Variants in CHTF18 observed in about 807,000 individuals in gnomAD.
The protein encoded by CHTF18 is chromosome transmission fidelity protein 18 homolog.
A neutral mutation model predicts 113.4 loss-of-function variants in CHTF18; 151 were observed. The ratio of observed to expected loss-of-function variants is 1.33; its 90% CI spans 1.17 to 1.52. The LOEUF (loss-of-function observed/expected upper bound fraction) is 1.52. CHTF18 is among the 40% of genes most tolerant of loss of function. The pLI, the probability that CHTF18 is intolerant of heterozygous loss-of-function variation, is 0.00. For synonymous variants in CHTF18, 916 were observed against 598.8 expected (o/e 1.53, Z -7.74); for missense variants, 1,982 against 1,381.6 (o/e 1.43, Z -6.89).
intron 6 of CHTF18, 32 bp downstream of exon 6, chr16:790,431 C>G (rs776146021): frequency 1.2e-6 from 2 of 1,611,912 alleles, no homozygotes; most frequent in South Asian, 1.1e-5. Context: ...CCCTGGGGAC[C>G]CTTGTTGGCT....
In CHTF18 at chr16:789,213, C is replaced by T. The variant is rs373985359; in HGVS notation, c.290C>T (p.Pro97Leu). Residue 97 changes from proline (P) to leucine (L), a missense_variant, in exon 3 of 22, where the codon CCC becomes CTC. Coordinates refer to ENST00000262315, the MANE Select transcript of CHTF18 (RefSeq NM_022092.3). ...LQPAGSLPHA[P>L]RIKRPRLQVV... ...TCCCTGCATGTGTCTCCCCCAGCCCCCAGGATCAAACGGCCTAGGCTGCAG... is the reference window on the plus strand; with the variant it reads ...TCCCTGCATGTGTCTCCCCCAGCCCTCAGGATCAAACGGCCTAGGCTGCAG... 21 of 1,551,198 alleles carry T rather than the reference C, an allele frequency of 1.4e-5. No individual in the cohort carries two copies. The highest frequency in any genetic ancestry group is 2.7e-5 in the African/African-American group (2 of 73,090).
At chr16:793,369 G>A in intron 14 of CHTF18, 95 bp downstream of exon 14, 9 of 1,467,846 alleles carry the variant, frequency 6.1e-6, no homozygotes, top group Non-Finnish European at 8.2e-6. Context: ...TTCGAGGCGG[G>A]GACTCAGTGT....
At chr16:791,036 C>A in intron 7 of CHTF18, 125 bp from the exon 8 acceptor site, 3 of 1,482,230 alleles carry the variant, frequency 2.0e-6, no homozygotes, top group South Asian at 1.3e-5. Context: ...GGCAGGAAGA[C>A]GGGGGTGGCC....
chr16:792,193 G>T, intron 9 of CHTF18, 31 bp from the exon 10 acceptor site: 2 of 1,558,026 alleles, frequency 1.3e-6, no homozygotes, highest in Non-Finnish European at 1.7e-6. Context: ...GACGCCCACT[G>T]CCCTGACGAC....
chr16:792,843 T>G, intron 12 of CHTF18, 32 bp downstream of exon 12: 1 of 1,535,898 alleles, frequency 6.5e-7, no homozygotes, highest in Non-Finnish European at 8.7e-7. Context: ...GTGTGGCTGA[T>G]GGCGGGGTTG....
chr16:789,399 C>T lies in CHTF18; in HGVS notation c.437+39C>T, dbSNP rs1353417624. ...ACATGGGCGTCCCATCCCATCTGTC[C>T]AGTGGGACTCAGATGGAGCCCATCC... is the stretch of plus-strand genomic sequence containing the variant. On this transcript the variant is annotated intron_variant, in intron 3 of 21. Transcript: ENST00000262315. 19 of 1,545,016 alleles carry T rather than the reference C, an allele frequency of 1.2e-5. No homozygotes were observed. In the South Asian group the frequency reaches 1.9e-4, roughly 15 times the overall value.
rs2042149964 is a variant in CHTF18, at chr16:790,188, C to T, written c.618C>T (p.Leu206=). 6.3e-7 allele frequency: 1 copy of T among 1,599,664 alleles called. No individual in the cohort carries two copies. Among genetic ancestry groups the T allele is most frequent in the African/African-American group, 1.3e-5 (1 of 74,654 alleles). ...PMAPGVQGSL[L]HVPWRGGGQL... is the part of the protein sequence containing the mutation. ...TCCCTTCCCCACAGGGCTCTCTCCT[C>T]CACGTCCCATGGCGAGGCGGTGGCC... The change falls in exon 5 of 22, where the codon CTC becomes CTT. Residue 206 remains leucine (L), a synonymous_variant. Coordinates refer to ENST00000262315, the MANE Select transcript of CHTF18 (RefSeq NM_022092.3).
At chr16:797,590 G>A (rs1361271616) in intron 20 of CHTF18, 104 bp from the exon 21 acceptor site, 3 of 1,292,356 alleles carry the variant, frequency 2.3e-6, no homozygotes, top group Non-Finnish European at 3.3e-6. Context: ...TCTCAGAGGT[G>A]TTCTGGTCCC....
At chr16:788,893 G>C (rs745479152) in intron 1 of CHTF18, 38 bp from the exon 2 acceptor site, 2 of 1,506,162 alleles carry the variant, frequency 1.3e-6, no homozygotes, top group Admixed American at 2.2e-5. Context: ...GGGATCTGCT[G>C]TCTCGGGGCG....
intron 4 of CHTF18, 106 bp downstream of exon 4, chr16:789,821 G>A: frequency 2.2e-6 from 3 of 1,386,382 alleles, no homozygotes; most frequent in Middle Eastern, 1.9e-4. Flanking sequence ...GTCCTGTGCA[G>A]AGCCCCAGGG....
chr16:791,988 C>T (rs1281473962), intron 9 of CHTF18, 40 bp downstream of exon 9: 5 of 1,574,422 alleles, frequency 3.2e-6, no homozygotes, highest in African/African-American at 1.3e-5. Flanking sequence ...GCCTTCTGTC[C>T]TGACGTGTTT....
rs113608744 is a variant in CHTF18, at chr16:789,641, G to A, written c.532G>A (p.Val178Ile). 6.7e-5 allele frequency: 108 copies of A among 1,607,170 alleles called. 1 individual carries two copies. Among genetic ancestry groups the A allele is most frequent in the African/African-American group, 6.0e-4 (45 of 75,056 alleles). ...GCGGCCCCCCATCTTGGAGGACTAC[G>A]TCCACGTGACATCCACGGAGGGCGT... is the stretch of plus-strand genomic sequence containing the variant. ...LRRPPILEDY[V>I]HVTSTEGVRA... Residue 178 changes from valine to isoleucine, a missense_variant, in exon 4 of 22, where the codon GTC (valine) becomes ATC (isoleucine). Coordinates refer to ENST00000262315, the MANE Select transcript of CHTF18 (RefSeq NM_022092.3).
Position 792,216 on chromosome 16 carries a change from C to T in CHTF18, c.1203-8C>T, listed in dbSNP as rs1463766203. 7.0e-6 allele frequency: 11 copies of T among 1,571,024 alleles called. No individual in the cohort carries two copies. The highest frequency in any genetic ancestry group is 4.8e-5 in the East Asian group (2 of 41,868). ...CTGCCCTGACGACCCCTGACCTCCC[C>T]ATTGCAGTGACGACCGTAGCCCGGA... On this transcript the variant is annotated splice_region_variant and splice_polypyrimidine_tract_variant and intron_variant, in intron 9 of 21. Coordinates refer to ENST00000262315, the MANE Select transcript of CHTF18 (RefSeq NM_022092.3).
chr16:790,120 A>G (rs2042145839), intron 4 of CHTF18, 57 bp from the exon 5 acceptor site: 4 of 1,546,210 alleles, frequency 2.6e-6, no homozygotes, highest in Non-Finnish European at 3.5e-6. Context: ...ATGGGGGCTG[A>G]CGTGAATCCT....
intron 14 of CHTF18, chr16:793,650 G>T (rs1398534014): frequency 1.9e-6 from 1 of 537,388 alleles, no homozygotes. Flanking sequence ...TTGGCCTCCC[G>T]TGGGCAGGAG....
chr16:789,354 G>T lies in CHTF18; in HGVS notation c.431G>T (p.Gly144Val). Reference sequence around the variant, plus strand: ...CCTGAGGACCTCGCAGAGCTTTGGGGCCACGGGTGTGTGGCTTGGACATGG... The same window carrying T: ...CCTGAGGACCTCGCAGAGCTTTGGGTCCACGGGTGTGTGGCTTGGACATGG... The part of the protein sequence containing the change: ...PSPEDLAELW[G>V]HGVSEAAADV... Residue 144 changes from glycine to valine, a missense_variant, in exon 3 of 22, where the codon GGC becomes GTC. Coordinates refer to ENST00000262315, the MANE Select transcript of CHTF18 (RefSeq NM_022092.3). 1 of 1,589,804 alleles carries T rather than the reference G, an allele frequency of 6.3e-7. No homozygotes were observed. Among genetic ancestry groups the T allele is most frequent in the East Asian group, 2.2e-5 (1 of 44,578 alleles).
At chr16:790,865 T>C (rs2151642750) in intron 7 of CHTF18, 199 bp downstream of exon 7, 1 of 1,431,258 alleles carries the variant, frequency 7.0e-7, no homozygotes, top group Non-Finnish European at 9.1e-7. Context: ...TGAGGCAGGC[T>C]AGGGGTCCAG....
rs1281364018 is a variant in CHTF18 at position 797,935 on chromosome 16, A to G, written c.2888A>G (p.Asn963Ser). Residue 963 changes from asparagine to serine, a missense_variant, in exon 22 of 22, where the codon AAC (asparagine) becomes AGC (serine). By Grantham distance (46) the Asn-to-Ser change is conservative. Transcript: ENST00000262315. ...VWFRFNEGVSNAVRRSLYIRD... is the reference protein window; with the variant it reads ...VWFRFNEGVSSAVRRSLYIRD... The stretch of plus-strand genomic sequence containing the variant: ...TTCCGCTTCAACGAGGGTGTCTCCA[A>G]CGCCGTGCGGCGCAGCCTGTACATC... 1 of 1,612,428 alleles carries G rather than the reference A, an allele frequency of 6.2e-7. No homozygotes were observed. The highest frequency in any genetic ancestry group is 8.5e-7 in the Non-Finnish European group (1 of 1,179,780).
At chr16:790,446 C>T (rs767788308) in intron 6 of CHTF18, 47 bp downstream of exon 6, 17 of 1,611,030 alleles carry the variant, frequency 1.1e-5, no homozygotes, top group South Asian at 6.6e-5. Context: ...TTGGCTCTTG[C>T]ACCAACTCCT....
Sources: gnomAD v4.1 joint callset for allele counts on GRCh38, gnomAD v4.1.1 for gene constraint, MANE v1.5 for transcripts, NCBI Gene and HGNC (gene_info 2026-07-23, HGNC 2026-07-21) for gene names.